DLST: variants seen among roughly 807,000 people sequenced by gnomAD.
The protein encoded by DLST is dihydrolipoyllysine-residue succinyltransferase component of 2-oxoglutarate dehydrogenase complex, mitochondrial.
DLST carries 17 observed loss-of-function variants against 53.1 expected under a neutral mutation model. That is an observed-to-expected ratio of 0.32 (90% CI 0.22 to 0.48). The LOEUF (loss-of-function observed/expected upper bound fraction) is 0.48, where lower values mean the gene tolerates loss of function less well. DLST is among the 20% of genes least tolerant of loss of function. DLST has a pLI of 0.99. For missense variants in DLST, 512 were observed against 583.9 expected (o/e 0.88, Z 1.27); for synonymous variants, 206 against 204.8 (o/e 1.01, Z -0.05).
intron 11 of DLST, among the ~76,000 whole-genome samples, chr14:74,899,715 G>T (rs971786410): frequency 4.6e-5 from 7 of 152,170 alleles, no homozygotes; most frequent in African/African-American, 1.7e-4. Context: ...CTATGCCCAG[G>T]CTCAGTCAGG....
chr14:74,893,375 C>T lies in DLST; in HGVS notation c.623C>T (p.Pro208Leu), dbSNP rs1263340816. The change falls in exon 9 of 15, where the codon CCA becomes CTA. Residue 208 changes from proline (P) to leucine (L), a missense_variant. Physicochemically the swap from Pro to Leu is moderately conservative, Grantham distance 98. This residue lies in a region of DLST where 162 missense variants were observed against 162.0 expected (regional missense o/e 1.00). Transcript: ENST00000334220. ...PVSAVKPTVAPPLAEPGAGKG... is the reference protein window; with the variant it reads ...PVSAVKPTVALPLAEPGAGKG... The stretch of plus-strand genomic sequence containing the variant: ...TCTGCAGTAAAACCCACTGTTGCCC[C>T]ACCACTAGCTGAGCCAGGAGCTGGC... 1 of 1,614,212 alleles carries T rather than the reference C, an allele frequency of 6.2e-7. No homozygotes were observed. The highest frequency in any genetic ancestry group is 1.6e-4 in the Middle Eastern group (1 of 6,062).
chr14:74,903,337 CTCT>C lies in DLST; in HGVS notation c.*1010_*1012del, dbSNP rs1258046938. On this transcript the variant is annotated 3_prime_UTR_variant, in exon 15 of 15. Coordinates refer to ENST00000334220, the MANE Select transcript of DLST (RefSeq NM_001933.5). ...TTCCTGCGTTATAGCGGGGCCTTGTCTCTTCCTCTGCAGGACACAGATCTGGAG... is the reference window on the plus strand; with the variant it reads ...TTCCTGCGTTATAGCGGGGCCTTGTCTCCTCTGCAGGACACAGATCTGGAG... 1 of 152,542 alleles carries C rather than the reference CTCT, an allele frequency of 6.6e-6. No individual in the cohort carries two copies. Among genetic ancestry groups the C allele is most frequent in the Non-Finnish European group, 1.5e-5 (1 of 68,094 alleles). 9.4% of individuals were successfully genotyped at this position (152,542 alleles called of 1,614,324 possible). A position where few individuals can be genotyped will look rare whatever the true frequency, so the allele number is the denominator to read the frequency against.
chr14:74,889,304 GC>G lies in DLST; in HGVS notation c.230del (p.Ala77GlyfsTer46). On this transcript the variant is annotated frameshift_variant, in exon 5 of 15. Transcript: ENST00000334220. LOFTEE classifies it high-confidence loss of function. ...KDDLVTVKTPAFAESVTEGDV... is the reference protein window; with the variant it reads ...KDDLVTVKTPXFAESVTEGDV... ...TGACTTGGTTACAGTCAAAACCCCA[GC>G]GTTTGCAGAATCTGTCACAGAGGGA... The G allele has an allele frequency of 6.2e-7, 1 of 1,612,282 alleles. No individual in the cohort carries two copies.
chr14:74,888,804 G>GT (rs2140190199), intron 3 of DLST, among the ~76,000 whole-genome samples: 1 of 152,306 alleles, frequency 6.6e-6, no homozygotes, highest in East Asian at 1.9e-4. Context: ...ATGTAAGTCT[G>GT]TTTTGTGAGA....
intron 3 of DLST, among the ~76,000 whole-genome samples, chr14:74,886,214 GCT>G (rs1883698778): frequency 6.6e-6 from 1 of 152,242 alleles, no homozygotes; most frequent in African/African-American, 2.4e-5. Context: ...CTAAGAGAAT[GCT>G]CTCTAGTAAC....
chr14:74,900,093 A>T, intron 12 of DLST, 97 bp downstream of exon 12: 3 of 1,220,826 alleles, frequency 2.5e-6, no homozygotes, highest in Non-Finnish European at 3.5e-6. Context: ...TTAATTCTGT[A>T]TTTTTAGAAG....
chr14:74,891,439 A>G, intron 7 of DLST: 3 of 1,104,642 alleles, frequency 2.7e-6, no homozygotes, highest in Middle Eastern at 3.9e-4. Flanking sequence ...TCTTATAGAT[A>G]TACAGATTGA....
chr14:74,890,920 C>A (rs1432977268), intron 6 of DLST, 136 bp from the exon 7 acceptor site: 11 of 1,213,228 alleles, frequency 9.1e-6, no homozygotes, highest in Admixed American at 2.9e-5. Context: ...TCAAGTGATC[C>A]GCCTGCCTTG....
chr14:74,901,354 A>T, intron 14 of DLST, 121 bp downstream of exon 14: 1 of 963,240 alleles, frequency 1.0e-6, no homozygotes, highest in South Asian at 1.7e-5. Context: ...CTTAGTTTCT[A>T]ATAGCTAAGG....
intron 3 of DLST, chr14:74,885,930 A>G: frequency 3.4e-6 from 1 of 293,222 alleles, no homozygotes; most frequent in Admixed American, 4.6e-5. Context: ...GCTCCTAGAT[A>G]TTCTGTTTGG....
At chr14:74,896,544 G>A (rs751182775) in intron 10 of DLST, among the ~76,000 whole-genome samples, 1 of 152,202 alleles carries the variant, frequency 6.6e-6, no homozygotes, top group Non-Finnish European at 1.5e-5. Context: ...ATAGTGCGCT[G>A]TGGCATTGTT....
At chr14:74,901,844 A>ATT (rs11325303) in intron 14 of DLST, among the ~76,000 whole-genome samples, 2 of 147,218 alleles carry the variant, frequency 1.4e-5, no homozygotes, top group African/African-American at 2.5e-5. Context: ...CCCTGGCTTA[A>ATT]TTTTTTTTTT....
At chr14:74,886,440 C>T (rs561594375) in intron 3 of DLST, among the ~76,000 whole-genome samples, 4 of 152,226 alleles carry the variant, frequency 2.6e-5, no homozygotes, top group African/African-American at 7.2e-5. Context: ...GATCCTTTCA[C>T]CTCAGCCTCC....
In DLST at chr14:74,892,123, G is replaced by A. The variant is rs529837472; in HGVS notation, c.443-711G>A. On this transcript the variant is annotated intron_variant, in intron 7 of 14. Transcript: ENST00000334220. The stretch of plus-strand genomic sequence containing the variant: ...TTTTGAGATGGAGTTTCACTCTGTC[G>A]CCAGGCTGGAGTGCAGTGGCCTGAT... The A allele has an allele frequency of 7.0e-4, 107 of 153,240 alleles. 1 individual carries two copies. Among genetic ancestry groups the A allele is most frequent in the Non-Finnish European group, 1.2e-3 (81 of 68,934 alleles). The allele number at this position is 153,240 out of a possible 1,614,324, so 9.5% of individuals were successfully genotyped here.
chr14:74,898,765 G>C (rs974315296), intron 11 of DLST, among the ~76,000 whole-genome samples: 4 of 152,210 alleles, frequency 2.6e-5, no homozygotes, highest in Admixed American at 6.5e-5. Context: ...GGATAGCCCA[G>C]CTCTCCAGGC....
intron 7 of DLST, 148 bp downstream of exon 7, chr14:74,891,315 G>C: frequency 7.0e-7 from 1 of 1,426,638 alleles, no homozygotes; most frequent in South Asian, 1.6e-5. Context: ...TTTATATATA[G>C]TGTGAACTTC....
At chr14:74,894,277 C>A in intron 9 of DLST, 35 bp from the exon 10 acceptor site, 1 of 1,611,428 alleles carries the variant, frequency 6.2e-7, no homozygotes, top group South Asian at 1.1e-5. Context: ...CCAGAGAGAT[C>A]AGATTGTCAA....
rs1051311657 is a variant in DLST at position 74,893,111 on chromosome 14, C to T, written c.595+125C>T. ...GGTTGGCTGCTTTGTAGAAAGAATT[C>T]TAGACTTTGTATCCAAAGGCCTGCT... On this transcript the variant is annotated intron_variant, in intron 8 of 14. Coordinates refer to ENST00000334220, the MANE Select transcript of DLST (RefSeq NM_001933.5). 3.2e-6 allele frequency: 4 copies of T among 1,264,166 alleles called. No homozygotes were observed. The African/African-American group carries it at 6.1e-5, about 19-fold the overall frequency. 78.3% of individuals were successfully genotyped at this position (1,264,166 alleles called of 1,614,324 possible).
intron 7 of DLST, 30 bp downstream of exon 7, chr14:74,891,197 T>A (rs1883894682): frequency 1.9e-6 from 3 of 1,613,796 alleles, no homozygotes; most frequent in Admixed American, 1.7e-5. Context: ...GGTCAAGGTC[T>A]CCAGTGTTCC....
Sources: gnomAD v4.1 joint callset for allele counts (sites outside exome capture counted in the v4.1 genomes callset) on GRCh38, gnomAD v4.1.1 for gene constraint, gnomAD v4.1.1 regional missense constraint, MANE v1.5 for transcripts, NCBI Gene and HGNC (gene_info 2026-07-23, HGNC 2026-07-21) for gene names.